The following PAPPA variants were observed in gnomAD, a reference collection of about 807,000 sequenced individuals.
The protein encoded by PAPPA is pappalysin 1.
In PAPPA, 60 loss-of-function variants were observed where a neutral mutation model predicts 164.0. The observed-to-expected ratio is 0.37, with a 90% confidence interval of 0.30 to 0.45. The LOEUF (loss-of-function observed/expected upper bound fraction) is 0.45, where lower values mean the gene tolerates loss of function less well. Among genes scored for constraint, PAPPA ranks in the 20% least tolerant of loss-of-function variants. The pLI, the probability that PAPPA is intolerant of heterozygous loss-of-function variation, is 1.00. For synonymous variants in PAPPA, 875 were observed against 814.1 expected (o/e 1.07, Z -1.27); for missense variants, 1,782 against 2,087.3 (o/e 0.85, Z 2.85).
chr9:116,310,350 A>G (rs7024490), intron 10 of PAPPA, among the ~76,000 whole-genome samples: 23,635 of 152,172 alleles, frequency 0.16, 2,258 homozygotes, highest in African/African-American at 0.26. Context: ...AAATACCCAA[A>G]GGATCTGCTT....
At chr9:116,390,083 T>C (rs1056443068) in intron 21 of PAPPA, among the ~76,000 whole-genome samples, 2 of 152,202 alleles carry the variant, frequency 1.3e-5, no homozygotes, top group Admixed American at 6.5e-5. Flanking sequence ...TGACAGATAC[T>C]GTACTAGGCC....
intron 17 of PAPPA, among the ~76,000 whole-genome samples, chr9:116,355,348 C>T (rs1243208645): frequency 1.3e-5 from 2 of 152,238 alleles, no homozygotes; most frequent in Non-Finnish European, 2.9e-5. Context: ...AGAGGTTACT[C>T]AACCCCCCAT....
At chr9:116,155,533 C>T (rs918715019) in intron 1 of PAPPA, among the ~76,000 whole-genome samples, 26 of 152,182 alleles carry the variant, frequency 1.7e-4, no homozygotes, top group African/African-American at 6.3e-4. Context: ...GGGAGATTCC[C>T]TTTCTGCACA....
chr9:116,154,311 T>A lies in PAPPA; in HGVS notation c.139T>A (p.Cys47Ser). The A allele has an allele frequency of 1.1e-6, 1 of 897,868 alleles. No homozygotes were observed. Among genetic ancestry groups the A allele is most frequent in the Non-Finnish European group, 1.3e-6 (1 of 754,062 alleles). The allele number at this position is 897,868 out of a possible 1,614,324, so 55.6% of individuals were successfully genotyped here. ...PPRPAAGPAT[C>S]ATRAARGRRA... Reference sequence around the variant, plus strand: ...GCGCCCCGCCGCCGGCCCGGCCACCTGCGCCACCCGGGCGGCCCGCGGCCG... The same window carrying A: ...GCGCCCCGCCGCCGGCCCGGCCACCAGCGCCACCCGGGCGGCCCGCGGCCG... The change falls in exon 1 of 22, where the codon TGC becomes AGC. Residue 47 changes from cysteine (C) to serine (S), a missense_variant. Around this residue, in one of 2 missense-constraint regions of PAPPA, gnomAD observed 458 missense variants for 430.3 expected, o/e 1.06. Transcript: ENST00000328252. This position sits in a 1 kb window ranked among gnomAD's most constrained non-coding sequence, Gnocchi z 5.2.
chr9:116,362,832 A>C lies in PAPPA; in HGVS notation c.4495+93A>C. 8 of 1,250,238 alleles carry C rather than the reference A, an allele frequency of 6.4e-6. No individual in the cohort carries two copies. The South Asian group carries it at 1.0e-4, about 16-fold the overall frequency. The allele number at this position is 1,250,238 out of a possible 1,614,324, so 77.4% of individuals were successfully genotyped here. Reference sequence around the variant, plus strand: ...GGGTGGGTCATTGAACACCCTGGCCACATGAGTTCCTGCGTAGGCACTACA... The same window carrying C: ...GGGTGGGTCATTGAACACCCTGGCCCCATGAGTTCCTGCGTAGGCACTACA... On this transcript the variant is annotated intron_variant, in intron 18 of 21. Transcript: ENST00000328252.
intron 7 of PAPPA, among the ~76,000 whole-genome samples, chr9:116,254,427 T>C (rs1304365351): frequency 6.6e-6 from 1 of 152,222 alleles, no homozygotes; most frequent in East Asian, 1.9e-4. Context: ...TGAAATGATA[T>C]TACAAATTTG....
chr9:116,349,981 G>A (rs997749936), intron 15 of PAPPA, among the ~76,000 whole-genome samples: 2 of 152,174 alleles, frequency 1.3e-5, no homozygotes, highest in Non-Finnish European at 2.9e-5. Flanking sequence ...AGTTGCCACT[G>A]TGGGCAACTA....
Position 116,322,127 on chromosome 9 carries a change from T to C in PAPPA, c.3148-9117T>C, listed in dbSNP as rs79299067. Reference sequence around the variant, plus strand: ...GGCAGCACCCATACTGGGCAGACCATCTTTAAGAGTTGGTGCTGGCCAGGC... The same window carrying C: ...GGCAGCACCCATACTGGGCAGACCACCTTTAAGAGTTGGTGCTGGCCAGGC... On this transcript the variant is annotated intron_variant, in intron 10 of 21. Transcript: ENST00000328252. 8.3e-3 allele frequency among the ~76,000 whole-genome samples: 1,257 copies of C among 152,228 alleles called. 19 individuals carry two copies. Among genetic ancestry groups the C allele is most frequent in the African/African-American group, 0.029 (1,200 of 41,552 alleles).
At chr9:116,254,596 T>A (rs12001800) in intron 7 of PAPPA, among the ~76,000 whole-genome samples, 1 of 151,716 alleles carries the variant, frequency 6.6e-6, no homozygotes, top group Admixed American at 6.6e-5. Context: ...TCCCGGCTAA[T>A]ACGGTGAAAC....
At chr9:116,196,227 C>T (rs919078709) in intron 2 of PAPPA, among the ~76,000 whole-genome samples, 4 of 152,196 alleles carry the variant, frequency 2.6e-5, no homozygotes, top group African/African-American at 9.7e-5. Context: ...GATCTGAGGT[C>T]CTCCTTCTTT....
At chr9:116,320,747 G>A (rs1845844698) in intron 10 of PAPPA, among the ~76,000 whole-genome samples, 1 of 152,114 alleles carries the variant, frequency 6.6e-6, no homozygotes, top group Non-Finnish European at 1.5e-5. Flanking sequence ...GTGTGTGTAT[G>A]TGTATGTGTG....
intron 17 of PAPPA, among the ~76,000 whole-genome samples, chr9:116,361,366 T>C (rs964106699): frequency 1.3e-5 from 2 of 152,210 alleles, no homozygotes; most frequent in Non-Finnish European, 2.9e-5. Flanking sequence ...TCTCCATTTC[T>C]GTTCGGTAAA....
rs913960641 is a variant in PAPPA at position 116,175,862 on chromosome 9, T to G, written c.416-11292T>G. Among the ~76,000 whole-genome samples, 3 of 152,110 alleles carry G rather than the reference T, an allele frequency of 2.0e-5. No homozygotes were observed. In the South Asian group the frequency reaches 6.2e-4, roughly 32 times the overall value. ...AGTGATCATTGCCATGAAAAAAAATTAGATCAACAACTAAACAACCAAAAA... is the reference window on the plus strand; with the variant it reads ...AGTGATCATTGCCATGAAAAAAAATGAGATCAACAACTAAACAACCAAAAA... On this transcript the variant is annotated intron_variant, in intron 1 of 21. Coordinates refer to ENST00000328252, the MANE Select transcript of PAPPA (RefSeq NM_002581.5).
intron 21 of PAPPA, among the ~76,000 whole-genome samples, chr9:116,393,765 G>C (rs1048788511): frequency 2.0e-5 from 3 of 152,206 alleles, no homozygotes; most frequent in Admixed American, 2.0e-4. Flanking sequence ...TCAGAGTGGA[G>C]GGCCATTAGT....
At chr9:116,273,265 G>A (rs901703112) in intron 9 of PAPPA, among the ~76,000 whole-genome samples, 1 of 152,148 alleles carries the variant, frequency 6.6e-6, no homozygotes, top group Non-Finnish European at 1.5e-5. Context: ...TCTCTAATAG[G>A]TAGAAGCTCC....
intron 17 of PAPPA, among the ~76,000 whole-genome samples, chr9:116,361,149 G>T (rs778263958): frequency 1.5e-4 from 23 of 152,174 alleles, no homozygotes; most frequent in Non-Finnish European, 2.6e-4. Flanking sequence ...GGCTGGGAGG[G>T]CTCTGGAGCC....
chr9:116,387,032 C>A (rs973427523), intron 21 of PAPPA, among the ~76,000 whole-genome samples: 5 of 152,080 alleles, frequency 3.3e-5, no homozygotes, highest in African/African-American at 1.2e-4. Flanking sequence ...AGCCCCAGTC[C>A]CATATCAAGA....
At chr9:116,206,477 G>A (rs780565288) in intron 2 of PAPPA, among the ~76,000 whole-genome samples, 2 of 152,074 alleles carry the variant, frequency 1.3e-5, no homozygotes, top group Non-Finnish European at 2.9e-5. Context: ...CATTAGTCAG[G>A]AATTATTGAA....
intron 10 of PAPPA, 82 bp from the exon 11 acceptor site, chr9:116,331,162 C>A (rs1588006989): frequency 1.2e-6 from 1 of 858,294 alleles, no homozygotes; most frequent in Non-Finnish European, 1.9e-6. Flanking sequence ...AATAGGTGAA[C>A]AGTAAAGGTT....
Sources: allele counts gnomAD v4.1 joint callset (sites outside exome capture counted in the v4.1 genomes callset), GRCh38; gene constraint gnomAD v4.1.1; regional missense constraint gnomAD v4.1.1; non-coding constraint Gnocchi (gnomAD v3.1); transcripts MANE v1.5; gene names NCBI Gene and HGNC (gene_info 2026-07-23, HGNC 2026-07-21).